STK25: variants seen among roughly 807,000 people sequenced by gnomAD.
STK25 encodes the protein serine/threonine kinase 25, also known as serine/threonine-protein kinase 25.
A neutral mutation model predicts 53.8 loss-of-function variants in STK25; 29 were observed. The observed-to-expected ratio is 0.54, with a 90% CI of 0.40 to 0.74. The LOEUF is 0.74. Ranked by LOEUF, STK25 falls within the 30% of genes least tolerant of loss-of-function variation. The pLI, the probability that STK25 is intolerant of heterozygous loss-of-function variation, is 0.00. For missense variants in STK25, 420 were observed against 568.0 expected (o/e 0.74, Z 2.65); for synonymous variants, 247 against 238.3 (o/e 1.04, Z -0.33).
chr2:241,497,387 A>T (rs1049191305), intron 10 of STK25: 1 of 539,282 alleles, frequency 1.9e-6, no homozygotes, highest in Non-Finnish European at 3.4e-6. Flanking sequence ...ACCTGAAGAA[A>T]AAAAAGTCAC....
intron 1 of STK25, 114 bp downstream of exon 1, chr2:241,508,329 C>A (rs952925639): frequency 2.5e-6 from 3 of 1,208,430 alleles, no homozygotes; most frequent in African/African-American, 1.6e-5. Flanking sequence ...TCTTCCAAGG[C>A]AGCTTCCTCC....
chr2:241,493,218 TGCAGGTA>T lies in STK25; in HGVS notation c.*2437_*2443del. The stretch of plus-strand genomic sequence containing the variant: ...TGGGCATTTGTACGTGCCACCGTTG[TGCAGGTA>T]GCAGAGGAATGGGCATTCCCTGTGG... On this transcript the variant is annotated 3_prime_UTR_variant, in exon 12 of 12. Coordinates refer to ENST00000316586, the MANE Select transcript of STK25 (RefSeq NM_001271977.2). 2 of 1,502,166 alleles carry T rather than the reference TGCAGGTA, an allele frequency of 1.3e-6. No homozygotes were observed. Among genetic ancestry groups the T allele is most frequent in the South Asian group, 2.3e-5 (2 of 86,234 alleles). The allele number at this position is 1,502,166 out of a possible 1,614,324, so 93.1% of individuals were successfully genotyped here.
rs1454352759 is a variant in STK25 at position 241,494,653 on chromosome 2, C to G, written c.*1009G>C. On this transcript the variant is annotated 3_prime_UTR_variant, in exon 12 of 12. Coordinates refer to ENST00000316586, the MANE Select transcript of STK25 (RefSeq NM_001271977.2). The surrounding 1 kb of genome is among the most constrained non-coding windows in gnomAD (Gnocchi z 4.9). ...GCCTGCCCTGCAGGTCACAGCTAAA[C>G]AAGTCTGGCAGAAGCCACGCTTGTT... The G allele has an allele frequency of 6.6e-6, 1 of 152,206 alleles. No homozygotes were observed. Among genetic ancestry groups the G allele is most frequent in the East Asian group, 1.9e-4 (1 of 5,178 alleles). 9.4% of individuals were successfully genotyped at this position (152,206 alleles called of 1,614,324 possible). A position where few individuals can be genotyped will look rare whatever the true frequency, so the allele number is the denominator to read the frequency against.
In STK25 at chr2:241,496,786, C is replaced by T. The variant is rs35084808; in HGVS notation, c.1105-252G>A. ...CTACACTCCGGGGAATCTCGGACCT[C>T]GGTTCTCAGGAGGGGACCAGATGGC... is the stretch of plus-strand genomic sequence containing the variant. On this transcript the variant is annotated intron_variant, in intron 10 of 11. Coordinates refer to ENST00000316586, the MANE Select transcript of STK25 (RefSeq NM_001271977.2). This position sits in a 1 kb window ranked among gnomAD's most constrained non-coding sequence, Gnocchi z 5.8. Among the ~76,000 whole-genome samples, 2,902 of 152,222 alleles carry T rather than the reference C, an allele frequency of 0.019. 100 individuals carry two copies. Among genetic ancestry groups the T allele is most frequent in the African/African-American group, 0.067 (2,768 of 41,514 alleles).
chr2:241,507,932 C>T, intron 2 of STK25, 74 bp downstream of exon 2: 2 of 1,437,732 alleles, frequency 1.4e-6, no homozygotes, highest in African/African-American at 1.4e-5. Flanking sequence ...GTGGCGCTCC[C>T]CTCTGAACCC....
intron 2 of STK25, among the ~76,000 whole-genome samples, chr2:241,505,590 C>T (rs1366144432): frequency 6.6e-6 from 1 of 152,224 alleles, no homozygotes; most frequent in East Asian, 1.9e-4. Context: ...CACACAGGGC[C>T]TGGAGCTGAA....
chr2:241,498,807 T>C, intron 7 of STK25, 23 bp from the exon 8 acceptor site: 1 of 1,613,136 alleles, frequency 6.2e-7, no homozygotes, highest in Non-Finnish European at 8.5e-7. Flanking sequence ...AGGGGAACAC[T>C]AGTCACTGGG....
chr2:241,494,385 T>C lies in STK25; in HGVS notation c.*1277A>G. 1 of 297,018 alleles carries C rather than the reference T, an allele frequency of 3.4e-6. No homozygotes were observed. The allele number at this position is 297,018 out of a possible 1,614,324, so 18.4% of individuals were successfully genotyped here. ...AGCGCGGAGCCGCTCAAGCCACAGC[T>C]CCCAGGCCCCTGGCTCAAAGACGCA... On this transcript the variant is annotated 3_prime_UTR_variant, in exon 12 of 12. Transcript: ENST00000316586. The surrounding 1 kb of genome is among the most constrained non-coding windows in gnomAD (Gnocchi z 4.9).
chr2:241,504,078 CCTCGAGGTGA>C (rs915539388), intron 2 of STK25: 1 of 471,050 alleles, frequency 2.1e-6, no homozygotes, highest in African/African-American at 2.0e-5. Flanking sequence ...GAGTGCCAGA[CCTCGAGGTGA>C]CTGGAACTCT....
In STK25 at chr2:241,493,220, C is replaced by A; in HGVS notation, c.*2442G>T. 1.3e-6 allele frequency: 2 copies of A among 1,502,948 alleles called. No individual in the cohort carries two copies. The highest frequency in any genetic ancestry group is 1.2e-5 in the South Asian group (1 of 86,290). The allele number at this position is 1,502,948 out of a possible 1,614,324, so 93.1% of individuals were successfully genotyped here. A position where few individuals can be genotyped will look rare whatever the true frequency, so the allele number is the denominator to read the frequency against. ...GGCATTTGTACGTGCCACCGTTGTG[C>A]AGGTAGCAGAGGAATGGGCATTCCC... On this transcript the variant is annotated 3_prime_UTR_variant, in exon 12 of 12. Transcript: ENST00000316586.
rs1283950323 is a variant in STK25 at position 241,508,027 on chromosome 2, G to A, written c.9C>T (p.His3=). 7 of 1,605,210 alleles carry A rather than the reference G, an allele frequency of 4.4e-6. No homozygotes were observed. In the East Asian group the frequency reaches 6.8e-5, roughly 16 times the overall value. MA[H]LRGFANQHSR... ...TCACCTGGTTGGCAAATCCCCGGAG[G>A]TGAGCCATGGCCGCGCCGCCTCAGA... The change falls in exon 2 of 12, where the codon CAC becomes CAT. Residue 3 remains histidine (H), a synonymous_variant. Coordinates refer to ENST00000316586, the MANE Select transcript of STK25 (RefSeq NM_001271977.2).
In STK25 at chr2:241,498,955, G is replaced by T. The variant is rs745860132; in HGVS notation, c.771+34C>A. 6 of 1,613,082 alleles carry T rather than the reference G, an allele frequency of 3.7e-6. No homozygotes were observed. The South Asian group carries it at 6.6e-5, about 18-fold the overall frequency. On this transcript the variant is annotated intron_variant, in intron 7 of 11. Transcript: ENST00000316586. The stretch of plus-strand genomic sequence containing the variant: ...AGCGAACGCCCTCCCTCCACGTCCT[G>T]TCTAGAAGGGACCGGGCCAGAGGCG...
At chr2:241,497,869 C>A (rs2124955188) in intron 9 of STK25, among the ~76,000 whole-genome samples, 182 bp from the exon 10 acceptor site, 1 of 151,806 alleles carries the variant, frequency 6.6e-6, no homozygotes, top group East Asian at 1.9e-4. Context: ...GAGGGCGACT[C>A]CCACCCTCTC....
chr2:241,499,096 G>C lies in STK25; in HGVS notation c.664C>G (p.Arg222Gly). The change falls in exon 7 of 12, where the codon CGC (arginine) becomes GGC (glycine). Residue 222 changes from arginine to glycine, a missense_variant. By Grantham distance (125) the Arg-to-Gly change is moderately radical. Transcript: ENST00000316586. ...TTCTTGGGAATCAGGAACAGGACGC[G>C]CATGGGGTGGAGGTCAGAGTTTGGA... ...EPPNSDLHPM[R>G]VLFLIPKNSP... 6.2e-7 allele frequency: 1 copy of C among 1,614,094 alleles called. No homozygotes were observed. The highest frequency in any genetic ancestry group is 8.5e-7 in the Non-Finnish European group (1 of 1,179,998).
chr2:241,495,401 G>A lies in STK25; in HGVS notation c.*261C>T. 2.0e-6 allele frequency: 1 copy of A among 490,636 alleles called. No homozygotes were observed. The highest frequency in any genetic ancestry group is 1.9e-5 in the African/African-American group (1 of 51,528). 30.4% of individuals were successfully genotyped at this position (490,636 alleles called of 1,614,324 possible). ...CATGAGGGCCACGCCGGCGGCTGGA[G>A]CCCCCGTGAGCAATACTGCTGGGCC... On this transcript the variant is annotated 3_prime_UTR_variant, in exon 12 of 12. Coordinates refer to ENST00000316586, the MANE Select transcript of STK25 (RefSeq NM_001271977.2).
intron 2 of STK25, among the ~76,000 whole-genome samples, chr2:241,506,246 G>A (rs1008004195): frequency 7.9e-5 from 12 of 152,184 alleles, no homozygotes; most frequent in Admixed American, 3.3e-4. Flanking sequence ...AGCCCCTCAG[G>A]TTTTCTGCCA....
In STK25 at chr2:241,494,652, AC is replaced by A. The variant is rs1358382365; in HGVS notation, c.*1009del. ...GGCCTGCCCTGCAGGTCACAGCTAAACAAGTCTGGCAGAAGCCACGCTTGTT... is the reference window on the plus strand; with the variant it reads ...GGCCTGCCCTGCAGGTCACAGCTAAAAAGTCTGGCAGAAGCCACGCTTGTT... On this transcript the variant is annotated 3_prime_UTR_variant, in exon 12 of 12. Transcript: ENST00000316586. This position sits in a 1 kb window ranked among gnomAD's most constrained non-coding sequence, Gnocchi z 4.9. 1 of 152,128 alleles carries A rather than the reference AC, an allele frequency of 6.6e-6. No homozygotes were observed. Among genetic ancestry groups the A allele is most frequent in the Admixed American group, 6.5e-5 (1 of 15,282 alleles). 9.4% of individuals were successfully genotyped at this position (152,128 alleles called of 1,614,324 possible).
chr2:241,502,680 G>A (rs1399555275), intron 2 of STK25, among the ~76,000 whole-genome samples: 2 of 151,546 alleles, frequency 1.3e-5, no homozygotes, highest in African/African-American at 2.4e-5. Flanking sequence ...CGGAGGTTGC[G>A]GTGAGCCGAG....
intron 2 of STK25, among the ~76,000 whole-genome samples, chr2:241,503,345 G>C (rs999478393): frequency 6.6e-6 from 1 of 151,928 alleles, no homozygotes; most frequent in African/African-American, 2.4e-5. Context: ...GATTACAGGC[G>C]TGAGCCACCA....
Sources: gnomAD v4.1 joint callset for allele counts (sites outside exome capture counted in the v4.1 genomes callset) on GRCh38, gnomAD v4.1.1 for gene constraint, Gnocchi (gnomAD v3.1) non-coding constraint, MANE v1.5 for transcripts, NCBI Gene and HGNC (gene_info 2026-07-23, HGNC 2026-07-21) for gene names.